PREX1: variants seen among roughly 807,000 people sequenced by gnomAD.
PREX1 encodes phosphatidylinositol-3,4,5-trisphosphate dependent Rac exchange factor 1, also known as phosphatidylinositol 3,4,5-trisphosphate-dependent Rac exchanger 1 protein.
PREX1 carries 41 observed loss-of-function variants against 198.3 expected under a neutral mutation model. That is an observed-to-expected ratio of 0.21 (90% CI 0.16 to 0.27). PREX1 has a LOEUF of 0.27. Ranked by LOEUF, PREX1 falls within the 10% of genes least tolerant of loss-of-function variation. The pLI is 1.00. For synonymous variants in PREX1, 843 were observed against 887.2 expected (o/e 0.95, Z 0.89); for missense variants, 1,620 against 2,200.7 (o/e 0.74, Z 5.28).
In PREX1 at chr20:48,625,630, A is replaced by G. The variant is rs2089264947; in HGVS notation, c.*255T>C. 1 of 472,838 alleles carries G rather than the reference A, an allele frequency of 2.1e-6. No homozygotes were observed. Among genetic ancestry groups the G allele is most frequent in the Non-Finnish European group, 3.7e-6 (1 of 269,762 alleles). The allele number at this position is 472,838 out of a possible 1,614,324, so 29.3% of individuals were successfully genotyped here. A position where few individuals can be genotyped will look rare whatever the true frequency, so the allele number is the denominator to read the frequency against. Reference sequence around the variant, plus strand: ...GGCACCAGCTGCTCCCATCAGCTCTATGGGTCTCCAGCACCCCTCCAGCTT... The same window carrying G: ...GGCACCAGCTGCTCCCATCAGCTCTGTGGGTCTCCAGCACCCCTCCAGCTT... On this transcript the variant is annotated 3_prime_UTR_variant, in exon 40 of 40. Transcript: ENST00000371941.
chr20:48,875,805 G>A, the PREX1 span, among the ~76,000 whole-genome samples: 1 of 152,148 alleles, frequency 6.6e-6, no homozygotes, highest in African/African-American at 2.4e-5. Flanking sequence ...ACATTGCTAA[G>A]CAAGGCTGGG....
In PREX1 at chr20:48,670,051, C is replaced by A. The variant is rs202033208; in HGVS notation, c.1666-3696G>T. 4.6e-5 allele frequency among the ~76,000 whole-genome samples: 7 copies of A among 152,280 alleles called. No individual in the cohort carries two copies. The East Asian group carries it at 1.3e-3, about 29-fold the overall frequency. ...GACAATCACTCTTATTAACCCCACT[C>A]GACAGAGGAGGAAACAGAGGCATAG... On this transcript the variant is annotated intron_variant, in intron 14 of 39. Coordinates refer to ENST00000371941, the MANE Select transcript of PREX1 (RefSeq NM_020820.4).
chr20:48,710,373 C>A (rs1905808692), intron 5 of PREX1, among the ~76,000 whole-genome samples: 1 of 152,166 alleles, frequency 6.6e-6, no homozygotes, highest in Non-Finnish European at 1.5e-5. Context: ...AAGAGTAGAC[C>A]GGTCAACAAG....
At chr20:48,786,847 G>GAC (rs1568863889) in intron 1 of PREX1, among the ~76,000 whole-genome samples, 4 of 37,750 alleles carry the variant, frequency 1.1e-4, no homozygotes, top group Non-Finnish European at 2.4e-4. Flanking sequence ...AAGAAAAAGA[G>GAC]AGAGAGAAAG....
chr20:48,774,165 C>T (rs937714714), intron 1 of PREX1, among the ~76,000 whole-genome samples: 1 of 152,206 alleles, frequency 6.6e-6, no homozygotes, highest in Non-Finnish European at 1.5e-5. Flanking sequence ...TCTGACCTCA[C>T]GCAAGGCAGT....
intron 32 of PREX1, among the ~76,000 whole-genome samples, chr20:48,635,985 G>A (rs577994577): frequency 6.6e-6 from 1 of 152,162 alleles, no homozygotes; most frequent in South Asian, 2.1e-4. Context: ...GCGCTCCAAG[G>A]CCAGGCCTCC....
chr20:48,633,966 G>A (rs1310177172), intron 33 of PREX1, among the ~76,000 whole-genome samples: 1 of 152,206 alleles, frequency 6.6e-6, no homozygotes, highest in Non-Finnish European at 1.5e-5. Flanking sequence ...ATAGATGGAT[G>A]GATGGACGGA....
the PREX1 span, among the ~76,000 whole-genome samples, chr20:48,881,159 G>A: frequency 2.6e-5 from 4 of 152,056 alleles, no homozygotes; most frequent in African/African-American, 7.2e-5. Context: ...TCAGCGTGGG[G>A]GAGTGGGTAG....
At chr20:48,742,654 A>C (rs1480413226) in intron 3 of PREX1, among the ~76,000 whole-genome samples, 1 of 152,172 alleles carries the variant, frequency 6.6e-6, no homozygotes, top group Non-Finnish European at 1.5e-5. Flanking sequence ...ATGAGGCTAC[A>C]TGAGGAGGGT....
chr20:48,647,147 T>C (rs1418394431), intron 25 of PREX1, among the ~76,000 whole-genome samples: 2 of 152,160 alleles, frequency 1.3e-5, no homozygotes, highest in Admixed American at 1.3e-4. Flanking sequence ...GGAGGATCAC[T>C]TGAGCCCAGG....
At chr20:48,796,761 CAT>C (rs1353128401) in intron 1 of PREX1, among the ~76,000 whole-genome samples, 6 of 147,274 alleles carry the variant, frequency 4.1e-5, no homozygotes, top group African/African-American at 7.4e-5. Flanking sequence ...ATTATATATA[CAT>C]ATATAGTTAT....
At chr20:48,741,111 C>T (rs570528855) in intron 3 of PREX1, among the ~76,000 whole-genome samples, 18 of 152,006 alleles carry the variant, frequency 1.2e-4, no homozygotes, top group South Asian at 8.3e-4. Context: ...CGGGTTCAAA[C>T]GATAAGTGAA....
intron 5 of PREX1, among the ~76,000 whole-genome samples, chr20:48,724,350 A>G (rs1026713482): frequency 8.5e-5 from 13 of 152,238 alleles, no homozygotes; most frequent in African/African-American, 2.9e-4. Flanking sequence ...CTTACTTGTC[A>G]TAACAACCCC....
chr20:48,673,174 A>C (rs1601065509), intron 14 of PREX1, among the ~76,000 whole-genome samples: 1 of 151,626 alleles, frequency 6.6e-6, no homozygotes, highest in Non-Finnish European at 1.5e-5. Flanking sequence ...TGTAAAGCCC[A>C]CCCTCTCCCC....
intron 1 of PREX1, among the ~76,000 whole-genome samples, chr20:48,792,817 TACACACACAC>T (rs372512250): frequency 1.6e-4 from 18 of 113,544 alleles, no homozygotes; most frequent in Admixed American, 2.9e-4. Flanking sequence ...AAAAAAAAAA[TACACACACAC>T]ACACACACAC....
At chr20:48,822,611 C>CT (rs1405591953) in intron 1 of PREX1, among the ~76,000 whole-genome samples, 1 of 152,154 alleles carries the variant, frequency 6.6e-6, no homozygotes, top group Non-Finnish European at 1.5e-5. Flanking sequence ...TTCTTCCTGT[C>CT]GGCTTCTTAA....
intron 6 of PREX1, among the ~76,000 whole-genome samples, chr20:48,701,558 C>T (rs1190083871): frequency 6.6e-6 from 1 of 152,044 alleles, no homozygotes; most frequent in African/African-American, 2.4e-5. Context: ...TATTCCTTCC[C>T]CACTACTTAT....
intron 20 of PREX1, 72 bp downstream of exon 20, chr20:48,653,289 G>A (rs1395855142): frequency 2.5e-6 from 4 of 1,568,714 alleles, no homozygotes; most frequent in Non-Finnish European, 3.5e-6. Flanking sequence ...TCTCTAAAGA[G>A]AGGACAGCCC....
the PREX1 span, among the ~76,000 whole-genome samples, chr20:48,848,451 T>C: frequency 6.6e-6 from 1 of 151,840 alleles, no homozygotes; most frequent in Non-Finnish European, 1.5e-5. Context: ...GACAGAGCAT[T>C]TTGCCATGTT....
Sources: gnomAD v4.1 joint callset for allele counts (sites outside exome capture counted in the v4.1 genomes callset) on GRCh38, gnomAD v4.1.1 for gene constraint, MANE v1.5 for transcripts, NCBI Gene and HGNC (gene_info 2026-07-23, HGNC 2026-07-21) for gene names.